ZNF318: variants seen among roughly 807,000 people sequenced by gnomAD.
ZNF318 encodes the protein endocrine regulator.
Under a neutral mutation model 124.2 loss-of-function variants are expected in ZNF318, and 51 were observed. That is an observed-to-expected ratio of 0.41 (90% CI 0.33 to 0.52). The LOEUF (loss-of-function observed/expected upper bound fraction) is 0.52. ZNF318 is among the 20% of genes least tolerant of loss of function. ZNF318 has a pLI of 0.23. For synonymous variants in ZNF318, 1,090 were observed against 1,040.7 expected (o/e 1.05, Z -0.91); for missense variants, 2,815 against 2,811.2 (o/e 1.00, Z -0.03).
In ZNF318 at chr6:43,339,195, A is replaced by G. The variant is rs777815900; in HGVS notation, c.4803T>C (p.Asn1601=). Residue 1601 remains asparagine, a synonymous_variant, in exon 10 of 10, where the codon AAT becomes AAC. Coordinates refer to ENST00000361428, the MANE Select transcript of ZNF318 (RefSeq NM_014345.3). This position sits in a 1 kb window ranked among gnomAD's most constrained non-coding sequence, Gnocchi z 4.2. ...AACTTTTGGTTCTAGAGAGGTTGCTATTTTCCCCATTGGCCAATGGACCAC... is the reference window on the plus strand; with the variant it reads ...AACTTTTGGTTCTAGAGAGGTTGCTGTTTTCCCCATTGGCCAATGGACCAC... ...LSGGPLANGE[N]SNLSRTKSSD... 48 of 1,613,924 alleles carry G rather than the reference A, an allele frequency of 3.0e-5. No homozygotes were observed. Among genetic ancestry groups the G allele is most frequent in the Non-Finnish European group, 4.0e-5 (47 of 1,180,016 alleles).
At chr6:43,364,017 C>A in intron 2 of ZNF318, 1 of 749,252 alleles carries the variant, frequency 1.3e-6, no homozygotes, top group Non-Finnish European at 2.4e-6. Context: ...CGCCCAAGGG[C>A]ACTGGCATCG....
rs574175875 is a variant in ZNF318, at chr6:43,337,084, T to C, written c.*74A>G. ...GTAGGTTCCAGATGAGATAACAAAC[T>C]AGTCTTGGATCATCTGGGCATCTGA... On this transcript the variant is annotated 3_prime_UTR_variant, in exon 10 of 10. Transcript: ENST00000361428. 12 of 1,367,420 alleles carry C rather than the reference T, an allele frequency of 8.8e-6. No individual in the cohort carries two copies. The East Asian group carries it at 1.2e-4, about 13-fold the overall frequency. The allele number at this position is 1,367,420 out of a possible 1,614,324, so 84.7% of individuals were successfully genotyped here. A position where few individuals can be genotyped will look rare whatever the true frequency, so the allele number is the denominator to read the frequency against.
intron 1 of ZNF318, among the ~76,000 whole-genome samples, chr6:43,367,999 T>C (rs1480174775): frequency 6.6e-6 from 1 of 152,176 alleles, no homozygotes; most frequent in African/African-American, 2.4e-5. Flanking sequence ...CACTCCAGCC[T>C]GGGGAACAGA....
chr6:43,365,839 G>T (rs912680448), intron 1 of ZNF318, among the ~76,000 whole-genome samples: 1 of 152,126 alleles, frequency 6.6e-6, no homozygotes, highest in African/African-American at 2.4e-5. Flanking sequence ...AATGGTTATG[G>T]TAAGACACTA....
intron 8 of ZNF318, 25 bp downstream of exon 8, chr6:43,342,087 C>T (rs372911713): frequency 1.4e-4 from 227 of 1,608,810 alleles, no homozygotes; most frequent in South Asian, 1.1e-3. Flanking sequence ...AAGGAAACCA[C>T]AAAGGTGGCA....
rs1779797472 is a variant in ZNF318, at chr6:43,368,974, C to T, written c.392G>A (p.Gly131Asp). The change falls in exon 1 of 10, where the codon GGC (glycine) becomes GAC (aspartate). Residue 131 changes from glycine to aspartate, a missense_variant. This residue lies in a region of ZNF318 where 1,377 missense variants were observed against 1,353.5 expected (regional missense o/e 1.02). Transcript: ENST00000361428. Reference protein sequence around the residue: ...DGRGDHPGDSGSRRRSPGLCS... With the variant: ...DGRGDHPGDSDSRRRSPGLCS... ...GACGAGGGGTGGGATTACCCGGCTGCCGCTGTCGCCTGGATGGTCTCCGCG... is the reference window on the plus strand; with the variant it reads ...GACGAGGGGTGGGATTACCCGGCTGTCGCTGTCGCCTGGATGGTCTCCGCG... 7.0e-7 allele frequency: 1 copy of T among 1,419,464 alleles called. No individual in the cohort carries two copies. 87.9% of individuals were successfully genotyped at this position (1,419,464 alleles called of 1,614,324 possible). A position where few individuals can be genotyped will look rare whatever the true frequency, so the allele number is the denominator to read the frequency against.
At chr6:43,343,468 T>C (rs1445326836) in intron 6 of ZNF318, among the ~76,000 whole-genome samples, 2 of 152,214 alleles carry the variant, frequency 1.3e-5, no homozygotes, top group African/African-American at 4.8e-5. Flanking sequence ...AAGTCATCTA[T>C]GTAGAATGAT....
chr6:43,355,304 T>G lies in ZNF318; in HGVS notation c.2030A>C (p.Glu677Ala), dbSNP rs1779588024. The change falls in exon 4 of 10, where the codon GAG (glutamate) becomes GCG (alanine). Residue 677 changes from glutamate to alanine, a missense_variant. By Grantham distance (107) the Glu-to-Ala change is moderately radical. Around this residue, in one of 4 missense-constraint regions of ZNF318, gnomAD observed 1,377 missense variants for 1,353.5 expected, o/e 1.02. Transcript: ENST00000361428. ...ATTGCTATGATGTGCCTCCCTGCTC[T>G]CTAGTCTGTGGGGATCTGAGGAACG... is the stretch of plus-strand genomic sequence containing the variant. ...DRRSSDPHRL[E>A]SREAHHSNTH... 3 of 1,614,174 alleles carry G rather than the reference T, an allele frequency of 1.9e-6. No homozygotes were observed. The highest frequency in any genetic ancestry group is 2.5e-6 in the Non-Finnish European group (3 of 1,180,030).
intron 5 of ZNF318, among the ~76,000 whole-genome samples, chr6:43,349,704 C>T (rs1412571886): frequency 1.3e-5 from 2 of 152,126 alleles, no homozygotes; most frequent in African/African-American, 2.4e-5. Flanking sequence ...ATGTTCTTTT[C>T]CTCACTGTGT....
Position 43,355,970 on chromosome 6 carries a change from G to C in ZNF318, c.1364C>G (p.Pro455Arg). The part of the protein sequence containing the change: ...EPQGNLYQWG[P>R]LPGIPKDNSP... ...GTTGTCTTTGGGAATCCCAGGAAGG[G>C]GACCCCATTGGTAGAGGTTGCCCTG... Residue 455 changes from proline (P) to arginine (R), a missense_variant, in exon 4 of 10, where the codon CCC (proline) becomes CGC (arginine). By Grantham distance (103) the Pro-to-Arg change is moderately radical. This residue lies in a region of ZNF318 where 1,377 missense variants were observed against 1,353.5 expected (regional missense o/e 1.02). Coordinates refer to ENST00000361428, the MANE Select transcript of ZNF318 (RefSeq NM_014345.3). 3.1e-6 allele frequency: 5 copies of C among 1,614,204 alleles called. No homozygotes were observed. Among genetic ancestry groups the C allele is most frequent in the Non-Finnish European group, 4.2e-6 (5 of 1,180,040 alleles).
chr6:43,342,280 T>G (rs1779381736), intron 7 of ZNF318, 69 bp from the exon 8 acceptor site: 2 of 1,317,834 alleles, frequency 1.5e-6, no homozygotes, highest in Non-Finnish European at 2.1e-6. Context: ...TTCTCTTTTT[T>G]TTCCCCCATA....
intron 2 of ZNF318, among the ~76,000 whole-genome samples, chr6:43,360,937 G>A (rs1779673470): frequency 6.6e-6 from 1 of 152,176 alleles, no homozygotes; most frequent in Admixed American, 6.5e-5. Context: ...GGGGTAGGGT[G>A]GAGGGAGTAA....
At position 43,356,122 on chromosome 6, in the gene ZNF318, G is replaced by A. The variant is rs1397574694; in HGVS notation, c.1212C>T (p.Thr404=). The change falls in exon 4 of 10, where the codon ACC becomes ACT. Residue 404 remains threonine, a synonymous_variant. Coordinates refer to ENST00000361428, the MANE Select transcript of ZNF318 (RefSeq NM_014345.3). ...SMQLESFSSS[T]SSSQDHPLYS... ...AGAGAGGGTGATCCTGGCTGGAGCTGGTACTGCTGGAAAAACTCTCAAGCT... is the reference window on the plus strand; with the variant it reads ...AGAGAGGGTGATCCTGGCTGGAGCTAGTACTGCTGGAAAAACTCTCAAGCT... The A allele has an allele frequency of 2.4e-5, 39 of 1,611,534 alleles. No homozygotes were observed. The highest frequency in any genetic ancestry group is 3.2e-5 in the Non-Finnish European group (38 of 1,179,166).
chr6:43,356,799 C>T (rs914530915), intron 3 of ZNF318, among the ~76,000 whole-genome samples: 2 of 152,142 alleles, frequency 1.3e-5, no homozygotes, highest in Non-Finnish European at 1.5e-5. Flanking sequence ...TTGAGATCAC[C>T]TCCTCCCCTT....
chr6:43,342,047 T>G (rs1581639813), intron 8 of ZNF318, 65 bp downstream of exon 8: 1 of 1,416,552 alleles, frequency 7.1e-7, no homozygotes, highest in East Asian at 2.3e-5. Context: ...ACAATGTTAG[T>G]TCAGGGACAC....
At chr6:43,345,384 G>C (rs1221024305) in intron 6 of ZNF318, among the ~76,000 whole-genome samples, 1 of 151,984 alleles carries the variant, frequency 6.6e-6, no homozygotes, top group Admixed American at 6.6e-5. Context: ...GGTAAAGAAA[G>C]AAGAAATACC....
At chr6:43,359,199 C>G (rs1361819569) in intron 2 of ZNF318, among the ~76,000 whole-genome samples, 1 of 152,206 alleles carries the variant, frequency 6.6e-6, no homozygotes, top group East Asian at 1.9e-4. Context: ...TCTTTGCCTT[C>G]TCTGGATATC....
chr6:43,365,281 G>A lies in ZNF318; in HGVS notation c.548+11C>T. Reference sequence around the variant, plus strand: ...ACTAGTATAGTAGGCCCTGCCTTAGGTGATGCCTACCTGTCCATGTCTTCC... The same window carrying A: ...ACTAGTATAGTAGGCCCTGCCTTAGATGATGCCTACCTGTCCATGTCTTCC... On this transcript the variant is annotated intron_variant, in intron 2 of 9. Transcript: ENST00000361428. 1 of 1,612,718 alleles carries A rather than the reference G, an allele frequency of 6.2e-7. No individual in the cohort carries two copies. Among genetic ancestry groups the A allele is most frequent in the South Asian group, 1.1e-5 (1 of 91,000 alleles).
chr6:43,341,765 A>G (rs1333504517), intron 8 of ZNF318, among the ~76,000 whole-genome samples: 2 of 152,226 alleles, frequency 1.3e-5, no homozygotes, highest in Admixed American at 6.5e-5. Flanking sequence ...TCTTAGTTGA[A>G]AAGGCAGTTA....
Sources: allele counts gnomAD v4.1 joint callset (sites outside exome capture counted in the v4.1 genomes callset), GRCh38; gene constraint gnomAD v4.1.1; regional missense constraint gnomAD v4.1.1; non-coding constraint Gnocchi (gnomAD v3.1); transcripts MANE v1.5; gene names NCBI Gene and HGNC (gene_info 2026-07-23, HGNC 2026-07-21).